DPH6: variants seen among roughly 807,000 people sequenced by gnomAD.
DPH6 encodes diphthine--ammonia ligase.
Under a neutral mutation model 38.2 loss-of-function variants are expected in DPH6, and 33 were observed. That is an observed-to-expected ratio of 0.86 (90% CI 0.65 to 1.15). The LOEUF is 1.15. Ranked by LOEUF, DPH6 falls within the 50% of genes most tolerant of loss-of-function variation. The pLI, the probability that DPH6 is intolerant of heterozygous loss-of-function variation, is 0.00. For missense variants in DPH6, 325 were observed against 320.0 expected (o/e 1.02, Z -0.12); for synonymous variants, 108 against 103.0 (o/e 1.05, Z -0.30).
chr15:35,483,485 A>C (rs1312026212), intron 3 of DPH6, among the ~76,000 whole-genome samples: 5 of 151,974 alleles, frequency 3.3e-5, no homozygotes, highest in African/African-American at 1.2e-4. Context: ...AAAAAAAAAA[A>C]ACCAAAAAAA....
chr15:35,160,358 C>T, the DPH6 span, among the ~76,000 whole-genome samples: 6 of 152,094 alleles, frequency 3.9e-5, no homozygotes, highest in Non-Finnish European at 8.8e-5. Flanking sequence ...GCTGTCTTCT[C>T]CATTTTTCCA....
intron 3 of DPH6, among the ~76,000 whole-genome samples, chr15:35,314,985 T>C (rs1448723707): frequency 1.3e-5 from 2 of 152,160 alleles, no homozygotes; most frequent in Non-Finnish European, 2.9e-5. Flanking sequence ...CTGCTGCTGG[T>C]CTGATCCACT....
chr15:35,193,622 T>C, the DPH6 span, among the ~76,000 whole-genome samples: 1 of 152,186 alleles, frequency 6.6e-6, no homozygotes, highest in African/African-American at 2.4e-5. Flanking sequence ...CAATTATATA[T>C]GTATTTCTCA....
chr15:35,237,210 G>A, intron 3 of DPH6: 2 of 864,152 alleles, frequency 2.3e-6, no homozygotes. Flanking sequence ...TGTGCCGGGG[G>A]TGCTGGGGGC....
chr15:35,434,223 T>C lies in DPH6; in HGVS notation c.505+16462A>G, dbSNP rs114506555. 6.4e-3 allele frequency among the ~76,000 whole-genome samples: 969 copies of C among 152,288 alleles called. 3 individuals carry two copies. Among genetic ancestry groups the C allele is most frequent in the African/African-American group, 0.022 (928 of 41,562 alleles). Reference sequence around the variant, plus strand: ...TACGACTAGGTCTCTGGTCCACTTATAGGCCTAGTCTCTTCAATTCCTTAT... The same window carrying C: ...TACGACTAGGTCTCTGGTCCACTTACAGGCCTAGTCTCTTCAATTCCTTAT... On this transcript the variant is annotated intron_variant, in intron 5 of 8. Coordinates refer to ENST00000256538, the MANE Select transcript of DPH6 (RefSeq NM_080650.4).
At chr15:35,153,978 G>A in the DPH6 span, among the ~76,000 whole-genome samples, 1 of 152,120 alleles carries the variant, frequency 6.6e-6, no homozygotes, top group African/African-American at 2.4e-5. Context: ...CTGCATAATT[G>A]AGTAGTTCAT....
At chr15:35,188,731 A>G in the DPH6 span, among the ~76,000 whole-genome samples, 1 of 152,150 alleles carries the variant, frequency 6.6e-6, no homozygotes, top group Non-Finnish European at 1.5e-5. Flanking sequence ...TGACTCAGAT[A>G]CATTCCACTG....
intron 4 of DPH6, among the ~76,000 whole-genome samples, chr15:35,452,756 A>C (rs2053952174): frequency 6.6e-6 from 1 of 152,244 alleles, no homozygotes; most frequent in Non-Finnish European, 1.5e-5. Flanking sequence ...TACAAACATA[A>C]TTGCAGAATG....
intron 3 of DPH6, chr15:35,489,459 T>G (rs1453369402): frequency 2.0e-6 from 2 of 983,546 alleles, no homozygotes; most frequent in Non-Finnish European, 2.4e-6. Context: ...AATTAATATA[T>G]TACTCAAAGG....
chr15:35,227,466 A>T (rs1220687619), intron 3 of DPH6, among the ~76,000 whole-genome samples: 2 of 151,884 alleles, frequency 1.3e-5, no homozygotes, highest in African/African-American at 4.8e-5. Context: ...TACAGGTGTG[A>T]GCCACCGTGC....
intron 3 of DPH6, among the ~76,000 whole-genome samples, chr15:35,474,793 G>T (rs983667471): frequency 6.6e-6 from 1 of 151,984 alleles, no homozygotes; most frequent in Non-Finnish European, 1.5e-5. Flanking sequence ...ACATTCAGAA[G>T]ATCTTTAATA....
intron 3 of DPH6, among the ~76,000 whole-genome samples, chr15:35,515,955 C>A (rs1203875830): frequency 6.6e-6 from 1 of 151,898 alleles, no homozygotes; most frequent in South Asian, 2.1e-4. Flanking sequence ...ACAAAACTTT[C>A]CTAGTTAAGA....
At chr15:35,300,829 T>C (rs1027717797) in intron 3 of DPH6, among the ~76,000 whole-genome samples, 11 of 152,158 alleles carry the variant, frequency 7.2e-5, no homozygotes, top group African/African-American at 2.7e-4. Flanking sequence ...CCCTGTAAGC[T>C]TACAGGCACA....
intron 3 of DPH6, among the ~76,000 whole-genome samples, chr15:35,319,713 C>T (rs2052223675): frequency 6.6e-6 from 1 of 152,034 alleles, no homozygotes; most frequent in African/African-American, 2.4e-5. Context: ...GCACTCCAGC[C>T]TGGGTGACAG....
chr15:35,401,093 T>C (rs1322084585), intron 6 of DPH6: 1 of 910,596 alleles, frequency 1.1e-6, no homozygotes. Flanking sequence ...AAAAGGGGCT[T>C]TGCCTTTGTA....
chr15:35,365,867 A>C (rs1461823586), intron 3 of DPH6: 50 of 985,176 alleles, frequency 5.1e-5, no homozygotes, highest in Non-Finnish European at 5.9e-5. Flanking sequence ...CCTACAGCCC[A>C]GCACCCATTC....
chr15:35,405,736 T>G (rs984163569), intron 6 of DPH6, among the ~76,000 whole-genome samples: 1 of 152,104 alleles, frequency 6.6e-6, no homozygotes, highest in African/African-American at 2.4e-5. Context: ...AGTACTATGT[T>G]GAATAACAGT....
At chr15:35,474,481 T>C (rs533643360) in intron 3 of DPH6, among the ~76,000 whole-genome samples, 1 of 152,122 alleles carries the variant, frequency 6.6e-6, no homozygotes, top group Admixed American at 6.6e-5. Flanking sequence ...AAAGGCAGAC[T>C]CTAGTTTCCA....
chr15:35,539,508 G>A (rs1277071254), intron 2 of DPH6, among the ~76,000 whole-genome samples: 1 of 151,876 alleles, frequency 6.6e-6, no homozygotes, highest in Non-Finnish European at 1.5e-5. Context: ...TATGCTTTCA[G>A]GTACTCCAAT....
Sources: allele counts gnomAD v4.1 joint callset (sites outside exome capture counted in the v4.1 genomes callset), GRCh38; gene constraint gnomAD v4.1.1; transcripts MANE v1.5; gene names NCBI Gene and HGNC (gene_info 2026-07-23, HGNC 2026-07-21).